Variants in IQGAP2 observed in about 807,000 individuals in gnomAD.
IQGAP2 encodes the protein IQ motif containing GTPase activating protein 2, also known as ras GTPase-activating-like protein IQGAP2.
Under a neutral mutation model 201.3 loss-of-function variants are expected in IQGAP2, and 173 were observed. The ratio of observed to expected loss-of-function variants is 0.86; its 90% CI spans 0.76 to 0.98. The LOEUF (loss-of-function observed/expected upper bound fraction) is 0.98, where lower values mean the gene tolerates loss of function less well. IQGAP2 is among the 50% of genes least tolerant of loss of function. The pLI is 0.00. For synonymous variants in IQGAP2, 675 were observed against 673.9 expected (o/e 1.00, Z -0.03); for missense variants, 1,687 against 1,864.8 (o/e 0.90, Z 1.76).
In IQGAP2 at chr5:76,417,140, A is replaced by AGT. The variant is rs368818092; in HGVS notation, c.46+13562_46+13563dup. Among the ~76,000 whole-genome samples, 8 of 151,904 alleles carry AGT rather than the reference A, an allele frequency of 5.3e-5. No homozygotes were observed. The East Asian group carries it at 5.8e-4, about 11-fold the overall frequency. On this transcript the variant is annotated intron_variant, in intron 1 of 35. Transcript: ENST00000274364. ...GGGAGATTGCTCTGAAAATTGTTCA[A>AGT]GTGTGTGTGTGTGTCTACAGTGGGG... is the stretch of plus-strand genomic sequence containing the variant.
At chr5:76,669,369 A>G (rs974534378) in intron 23 of IQGAP2, among the ~76,000 whole-genome samples, 2 of 152,158 alleles carry the variant, frequency 1.3e-5, no homozygotes, top group Non-Finnish European at 2.9e-5. Context: ...ACCAGTTCCT[A>G]TTGGTTTTGG....
intron 35 of IQGAP2, 93 bp downstream of exon 35, chr5:76,702,683 A>C: frequency 3.8e-6 from 2 of 530,284 alleles, no homozygotes; most frequent in Admixed American, 6.2e-5. Flanking sequence ...ACAACAATAA[A>C]GTTTAACAGA....
chr5:76,613,798 G>A (rs1046683381), intron 13 of IQGAP2, among the ~76,000 whole-genome samples: 11 of 152,044 alleles, frequency 7.2e-5, no homozygotes, highest in African/African-American at 2.4e-4. Context: ...AGGTTCAACC[G>A]ATTCTCCTGC....
At chr5:76,420,896 G>A (rs1751697154) in intron 1 of IQGAP2, among the ~76,000 whole-genome samples, 1 of 152,190 alleles carries the variant, frequency 6.6e-6, no homozygotes, top group African/African-American at 2.4e-5. Flanking sequence ...GTCATAGCAT[G>A]TATCCGTACT....
intron 35 of IQGAP2, 101 bp from the exon 36 acceptor site, chr5:76,707,099 G>T: frequency 1.5e-6 from 1 of 683,924 alleles, no homozygotes; most frequent in Non-Finnish European, 2.6e-6. Context: ...CAGGTGATTA[G>T]GTCAATTGAA....
chr5:76,673,963 G>A lies in IQGAP2; in HGVS notation c.3221G>A (p.Arg1074Lys). The change falls in exon 26 of 36, where the codon AGG (arginine) becomes AAG (lysine). Residue 1074 changes from arginine to lysine, a missense_variant. Coordinates refer to ENST00000274364, the MANE Select transcript of IQGAP2 (RefSeq NM_006633.5). ...SSLDLLPYGL[R>K]YIAKVLKNSI... is the part of the protein sequence containing the mutation. Reference sequence around the variant, plus strand: ...TGTTTTATATGTAGTTATGGATTGAGGTATATAGCCAAAGTACTGAAGAAT... The same window carrying A: ...TGTTTTATATGTAGTTATGGATTGAAGTATATAGCCAAAGTACTGAAGAAT... 6.3e-7 allele frequency: 1 copy of A among 1,582,662 alleles called. No homozygotes were observed. The highest frequency in any genetic ancestry group is 8.7e-7 in the Non-Finnish European group (1 of 1,151,800).
chr5:76,503,841 C>G (rs1273687502), intron 2 of IQGAP2, among the ~76,000 whole-genome samples: 1 of 152,194 alleles, frequency 6.6e-6, no homozygotes, highest in African/African-American at 2.4e-5. Flanking sequence ...GATCCACCCA[C>G]CTCAGCCTCC....
At chr5:76,571,325 G>C (rs1580484053) in intron 4 of IQGAP2, among the ~76,000 whole-genome samples, 1 of 152,124 alleles carries the variant, frequency 6.6e-6, no homozygotes, top group South Asian at 2.1e-4. Context: ...GCAAGTAGCT[G>C]CCCCATGCCC....
At chr5:76,692,472 GAAAGCCTTTT>G (rs942541100) in intron 30 of IQGAP2, among the ~76,000 whole-genome samples, 27 of 152,216 alleles carry the variant, frequency 1.8e-4, no homozygotes, top group African/African-American at 6.0e-4. Flanking sequence ...TTTTTAGAAG[GAAAGCCTTTT>G]CCAATAATAC....
intron 5 of IQGAP2, among the ~76,000 whole-genome samples, chr5:76,577,187 C>G (rs1245970030): frequency 6.6e-6 from 1 of 150,966 alleles, no homozygotes; most frequent in Non-Finnish European, 1.5e-5. Context: ...CTGGGACATT[C>G]ATGTTAAGGA....
chr5:76,406,203 G>A (rs1316760799), intron 1 of IQGAP2, among the ~76,000 whole-genome samples: 1 of 152,138 alleles, frequency 6.6e-6, no homozygotes, highest in East Asian at 1.9e-4. Flanking sequence ...TGTACTTGAG[G>A]GATTTCTCAA....
intron 2 of IQGAP2, among the ~76,000 whole-genome samples, chr5:76,486,565 C>T (rs186734001): frequency 2.2e-4 from 34 of 152,246 alleles, no homozygotes; most frequent in Admixed American, 1.4e-3. Context: ...GCTTAAATAG[C>T]GCTGAAGGCC....
chr5:76,427,910 G>C (rs1301649191), intron 1 of IQGAP2, among the ~76,000 whole-genome samples: 2 of 152,224 alleles, frequency 1.3e-5, no homozygotes, highest in African/African-American at 4.8e-5. Flanking sequence ...CTCTGTGCTG[G>C]AGGTGAGTCC....
Position 76,683,832 on chromosome 5 carries a change from T to G in IQGAP2, c.3820T>G (p.Ser1274Ala), listed in dbSNP as rs1316824435. ...CAAGGCAAATACACTAAGTCAGCTTTCAAAGACCGAGATTTCTCTTGTCTT... is the reference window on the plus strand; with the variant it reads ...CAAGGCAAATACACTAAGTCAGCTTGCAAAGACCGAGATTTCTCTTGTCTT... ...PNKANTLSQL[S>A]KTEISLVLTS... is the part of the protein sequence containing the mutation. Residue 1274 changes from serine (S) to alanine (A), a missense_variant, in exon 30 of 36, where the codon TCA (serine) becomes GCA (alanine). Physicochemically the swap from Ser to Ala is moderately conservative, Grantham distance 99. Coordinates refer to ENST00000274364, the MANE Select transcript of IQGAP2 (RefSeq NM_006633.5). 6.2e-7 allele frequency: 1 copy of G among 1,613,784 alleles called. No individual in the cohort carries two copies. Among genetic ancestry groups the G allele is most frequent in the Non-Finnish European group, 8.5e-7 (1 of 1,179,810 alleles).
chr5:76,487,561 T>C (rs1047655532), intron 2 of IQGAP2, among the ~76,000 whole-genome samples: 2 of 152,224 alleles, frequency 1.3e-5, no homozygotes, highest in Non-Finnish European at 1.5e-5. Flanking sequence ...GCAAAGTGGA[T>C]ATTGGAGTCT....
intron 2 of IQGAP2, among the ~76,000 whole-genome samples, chr5:76,522,682 A>G (rs1374764415): frequency 1.3e-5 from 2 of 152,220 alleles, no homozygotes; most frequent in Non-Finnish European, 2.9e-5. Context: ...TAAAATGCTT[A>G]CCATTGACTA....
At chr5:76,576,039 T>C (rs779427174) in intron 5 of IQGAP2, among the ~76,000 whole-genome samples, 3 of 152,086 alleles carry the variant, frequency 2.0e-5, no homozygotes, top group Non-Finnish European at 1.5e-5. Context: ...AAAGAGAAAA[T>C]TTAGGTTGAA....
At chr5:76,495,082 T>A (rs1212931750) in intron 2 of IQGAP2, among the ~76,000 whole-genome samples, 1 of 152,176 alleles carries the variant, frequency 6.6e-6, no homozygotes, top group Non-Finnish European at 1.5e-5. Context: ...ACATAAATTT[T>A]AAAAACCCTA....
chr5:76,603,879 G>A (rs1747605577), intron 11 of IQGAP2, among the ~76,000 whole-genome samples: 1 of 152,070 alleles, frequency 6.6e-6, no homozygotes, highest in African/African-American at 2.4e-5. Context: ...ACCTGTTTGG[G>A]GAAACTACGG....
Sources: gnomAD v4.1 joint callset for allele counts (sites outside exome capture counted in the v4.1 genomes callset) on GRCh38, gnomAD v4.1.1 for gene constraint, MANE v1.5 for transcripts, NCBI Gene and HGNC (gene_info 2026-07-23, HGNC 2026-07-21) for gene names.